The following GNB3 variants were observed in gnomAD, a reference collection of about 807,000 sequenced individuals.
The protein encoded by GNB3 is guanine nucleotide-binding protein G(I)/G(S)/G(T) subunit beta-3.
GNB3 carries 33 observed loss-of-function variants against 41.2 expected under a neutral mutation model. The ratio of observed to expected loss-of-function variants is 0.80; its 90% CI spans 0.61 to 1.07. The LOEUF (loss-of-function observed/expected upper bound fraction) is 1.07, where lower values mean the gene tolerates loss of function less well. Ranked by LOEUF, GNB3 falls within the 50% of genes least tolerant of loss-of-function variation. The probability of loss-of-function intolerance (pLI) is 0.00; values close to 1 mark genes in which losing one functional copy is unlikely to be tolerated. For missense variants in GNB3, 409 were observed against 455.3 expected (o/e 0.90, Z 0.92); for synonymous variants, 172 against 173.4 (o/e 0.99, Z 0.06).
chr12:6,845,713 TG>T lies in GNB3; in HGVS notation c.829del (p.Ala277ProfsTer24). On this transcript the variant is annotated frameshift_variant, in exon 9 of 10. Transcript: ENST00000229264. LOFTEE classifies it high-confidence loss of function. Reference protein sequence around the residue: ...HESIICGITSVAFSLSGRLLF... With the variant: ...HESIICGITSXAFSLSGRLLF... ...AGCATCATCTGCGGCATCACGTCCG[TG>T]GCCTTCTCCCTCAGTGGCCGCCTAC... 2 of 1,614,130 alleles carry T rather than the reference TG, an allele frequency of 1.2e-6. No homozygotes were observed. The highest frequency in any genetic ancestry group is 2.2e-5 in the South Asian group (2 of 91,076).
chr12:6,847,393 A>G lies in GNB3; in HGVS notation c.*495A>G. ...CTGCAATAAAGTGTAGCACCCTGGT[A>G]CATCTGTGATGTTTGCCTTCTACTC... On this transcript the variant is annotated 3_prime_UTR_variant, in exon 10 of 10. Coordinates refer to ENST00000229264, the MANE Select transcript of GNB3 (RefSeq NM_002075.4). 1 of 159,560 alleles carries G rather than the reference A, an allele frequency of 6.3e-6. No homozygotes were observed. Among genetic ancestry groups the G allele is most frequent in the Non-Finnish European group, 1.4e-5 (1 of 71,766 alleles). 9.9% of individuals were successfully genotyped at this position (159,560 alleles called of 1,614,324 possible). A position where few individuals can be genotyped will look rare whatever the true frequency, so the allele number is the denominator to read the frequency against.
At chr12:6,842,944 GAT>G (rs1565518099) in intron 3 of GNB3, 24 bp from the exon 4 acceptor site, 2 of 1,447,686 alleles carry the variant, frequency 1.4e-6, no homozygotes, top group African/African-American at 2.8e-5. Flanking sequence ...TGCTCACCCT[GAT>G]ATTCAGTGCC....
At chr12:6,846,167 G>C (rs1943692263) in intron 9 of GNB3, 1 of 263,208 alleles carries the variant, frequency 3.8e-6, no homozygotes, top group Non-Finnish European at 7.4e-6. Context: ...ATCTGGAGTG[G>C]CCCGAGGGCC....
intron 2 of GNB3, 44 bp from the exon 3 acceptor site, chr12:6,841,542 C>T: frequency 6.4e-7 from 1 of 1,559,274 alleles, no homozygotes; most frequent in South Asian, 1.2e-5. Context: ...GCACCTGCCA[C>T]CCCCACCTCG....
At chr12:6,844,064 C>T (rs367610606) in intron 8 of GNB3, 86 bp downstream of exon 8, 2 of 812,294 alleles carry the variant, frequency 2.5e-6, no homozygotes, top group Non-Finnish European at 3.9e-6. Context: ...TCTGCCCCTC[C>T]CATAGCTTCC....
intron 9 of GNB3, 91 bp from the exon 10 acceptor site, chr12:6,846,687 ATACACACACACACC>A (rs1354877634): frequency 1.7e-5 from 11 of 636,234 alleles, no homozygotes; most frequent in Non-Finnish European, 2.8e-5. Context: ...ACACACCCAC[ATACACACACACACC>A]CACACACCCA....
In GNB3 at chr12:6,845,781, TC is replaced by T. The variant is rs1565520685; in HGVS notation, c.897del (p.Met300Ter). The T allele has an allele frequency of 6.2e-7, 1 of 1,613,688 alleles. No individual in the cohort carries two copies. Among genetic ancestry groups the T allele is most frequent in the South Asian group, 1.1e-5 (1 of 91,082 alleles). On this transcript the variant is annotated frameshift_variant, in exon 9 of 10. Coordinates refer to ENST00000229264, the MANE Select transcript of GNB3 (RefSeq NM_002075.4). LOFTEE classifies it high-confidence loss of function. ...YDDFNCNVWD[S>X]MKSERVGILS... is the part of the protein sequence containing the mutation. The stretch of plus-strand genomic sequence containing the variant: ...CGACTTCAACTGCAATGTCTGGGAC[TC>T]CATGAAGTCTGAGCGTGTGGGTAAG...
intron 9 of GNB3, chr12:6,846,078 G>T: frequency 2.3e-6 from 1 of 430,688 alleles, no homozygotes. Flanking sequence ...GTCAGTTCTG[G>T]GTTCCTGGCA....
intron 1 of GNB3, 31 bp from the exon 2 acceptor site, chr12:6,841,227 T>C: frequency 7.1e-7 from 1 of 1,401,336 alleles, no homozygotes; most frequent in Non-Finnish European, 1.0e-6. Context: ...TGGTGGGGGG[T>C]TCCTCAACAC....
At chr12:6,845,511 TG>T in intron 8 of GNB3, 74 bp from the exon 9 acceptor site, 1 of 974,678 alleles carries the variant, frequency 1.0e-6, no homozygotes, top group South Asian at 1.4e-5. Flanking sequence ...AGCTGTCAGG[TG>T]GGAGGCAGAG....
Position 6,846,777 on chromosome 12 carries a change from T to C in GNB3, c.917-15T>C. ...AGCTTGGAGAGACAGGCTGACTCCT[T>C]TCCCTCTTCCTCAGGCATCCTCTCT... On this transcript the variant is annotated splice_polypyrimidine_tract_variant and intron_variant, in intron 9 of 9. Coordinates refer to ENST00000229264, the MANE Select transcript of GNB3 (RefSeq NM_002075.4). 2.0e-6 allele frequency: 3 copies of C among 1,497,680 alleles called. No individual in the cohort carries two copies. Among genetic ancestry groups the C allele is most frequent in the Non-Finnish European group, 2.8e-6 (3 of 1,089,530 alleles). The allele number at this position is 1,497,680 out of a possible 1,614,324, so 92.8% of individuals were successfully genotyped here.
chr12:6,841,561 C>A, intron 2 of GNB3, 25 bp from the exon 3 acceptor site: 2 of 1,610,194 alleles, frequency 1.2e-6, no homozygotes, highest in Non-Finnish European at 1.7e-6. Context: ...CGCCCTTGCT[C>A]CCCTGATGTC....
chr12:6,841,286 C>A lies in GNB3; in HGVS notation c.-2C>A. 6.2e-7 allele frequency: 1 copy of A among 1,612,496 alleles called. No individual in the cohort carries two copies. The highest frequency in any genetic ancestry group is 8.5e-7 in the Non-Finnish European group (1 of 1,179,038). ...CCAGAGTGACCCCTCGACCTGTCAG[C>A]CATGGGGGAGATGGAGCAACTGCGT... On this transcript the variant is annotated 5_prime_UTR_variant, in exon 2 of 10. Coordinates refer to ENST00000229264, the MANE Select transcript of GNB3 (RefSeq NM_002075.4).
rs941040058 is a variant in GNB3 at position 6,840,980 on chromosome 12, G to A, written c.-84G>A. 2.1e-6 allele frequency: 1 copy of A among 475,704 alleles called. No homozygotes were observed. Among genetic ancestry groups the A allele is most frequent in the East Asian group, 4.1e-5 (1 of 24,334 alleles). The allele number at this position is 475,704 out of a possible 1,614,324, so 29.5% of individuals were successfully genotyped here. The stretch of plus-strand genomic sequence containing the variant: ...CGGGCGTCGCAGCTGAGGGAGTAAG[G>A]AGGCTCCCAGGAACCGGAGCTGGAA... On this transcript the variant is annotated 5_prime_UTR_variant, in exon 1 of 10. Transcript: ENST00000229264.
At chr12:6,844,377 G>A (rs1943642011) in intron 8 of GNB3, among the ~76,000 whole-genome samples, 1 of 151,548 alleles carries the variant, frequency 6.6e-6, no homozygotes, top group African/African-American at 2.4e-5. Flanking sequence ...GCAGTGCTGG[G>A]ATTACAGATG....
intron 3 of GNB3, chr12:6,841,933 C>A: frequency 1.9e-6 from 1 of 528,064 alleles, no homozygotes; most frequent in Non-Finnish European, 3.5e-6. Context: ...TAGACTCTAG[C>A]TGCTAGTTTT....
In GNB3 at chr12:6,840,957, G is replaced by A. The variant is rs956871777; in HGVS notation, c.-107G>A. The A allele has an allele frequency of 7.7e-6, 3 of 390,788 alleles. No individual in the cohort carries two copies. The highest frequency in any genetic ancestry group is 1.4e-5 in the Non-Finnish European group (3 of 213,920). The allele number at this position is 390,788 out of a possible 1,614,324, so 24.2% of individuals were successfully genotyped here. On this transcript the variant is annotated 5_prime_UTR_variant, in exon 1 of 10. Transcript: ENST00000229264. ...CCTGGGCAGGTGACGGGCGGGCGCG[G>A]GCGTCGCAGCTGAGGGAGTAAGGAG...
At chr12:6,841,709 A>C (rs1943578671) in intron 3 of GNB3, 85 bp downstream of exon 3, 2 of 952,586 alleles carry the variant, frequency 2.1e-6, no homozygotes, top group Non-Finnish European at 3.4e-6. Flanking sequence ...TGCTCCGAGC[A>C]TTAGTACAGC....
Position 6,843,147 on chromosome 12 carries a change from G to T in GNB3, c.204-27G>T, listed in dbSNP as rs1196706116. ...TGAGGAAGGCGGGAAGGGGAGGCTT[G>T]CATGATATGGGATGCCCTCTCCCCA... is the stretch of plus-strand genomic sequence containing the variant. On this transcript the variant is annotated intron_variant, in intron 4 of 9. Transcript: ENST00000229264. This position sits in a 1 kb window ranked among gnomAD's most constrained non-coding sequence, Gnocchi z 5.9. The T allele has an allele frequency of 4.3e-6, 7 of 1,610,942 alleles. No individual in the cohort carries two copies. Among genetic ancestry groups the T allele is most frequent in the Non-Finnish European group, 5.1e-6 (6 of 1,177,142 alleles).
Sources: allele counts gnomAD v4.1 joint callset (sites outside exome capture counted in the v4.1 genomes callset), GRCh38; gene constraint gnomAD v4.1.1; non-coding constraint Gnocchi (gnomAD v3.1); transcripts MANE v1.5; gene names NCBI Gene and HGNC (gene_info 2026-07-23, HGNC 2026-07-21).